The following STOML3 variants were observed in gnomAD, a reference collection of about 807,000 sequenced individuals.
STOML3 encodes stomatin-like protein 3.
A neutral mutation model predicts 29.5 loss-of-function variants in STOML3; 31 were observed. The observed-to-expected ratio is 1.05, with a 90% CI of 0.79 to 1.42. The LOEUF (loss-of-function observed/expected upper bound fraction) is 1.42, where lower values mean the gene tolerates loss of function less well. STOML3 is among the 40% of genes most tolerant of loss of function. STOML3 has a pLI of 0.00. For missense variants in STOML3, 380 were observed against 363.0 expected (o/e 1.05, Z -0.38); for synonymous variants, 122 against 139.8 (o/e 0.87, Z 0.90).
At chr13:38,978,171 T>G (rs1373232377) in intron 1 of STOML3, among the ~76,000 whole-genome samples, 1 of 151,842 alleles carries the variant, frequency 6.6e-6, no homozygotes, top group African/African-American at 2.4e-5. Flanking sequence ...TTTATTTTTT[T>G]GAGACAGAGT....
chr13:38,973,323 T>A (rs1208554478), intron 3 of STOML3, among the ~76,000 whole-genome samples: 2 of 151,964 alleles, frequency 1.3e-5, no homozygotes, highest in African/African-American at 4.8e-5. Context: ...GTACTGGTTG[T>A]GATAATGGCA....
At chr13:38,985,889 C>CTTTTTTTTT (rs200028643) in intron 1 of STOML3, among the ~76,000 whole-genome samples, 2 of 61,358 alleles carry the variant, frequency 3.3e-5, no homozygotes, top group Admixed American at 1.7e-4. Context: ...GTGGCTATTT[C>CTTTTTTTTT]TTTTTTTTTT....
chr13:38,966,893 T>A lies in STOML3; in HGVS notation c.808A>T (p.Met270Leu). 1 of 1,613,920 alleles carries A rather than the reference T, an allele frequency of 6.2e-7. No individual in the cohort carries two copies. Among genetic ancestry groups the A allele is most frequent in the South Asian group, 1.1e-5 (1 of 91,076 alleles). The change falls in exon 7 of 7, where the codon ATG becomes TTG. Residue 270 changes from methionine (M) to leucine (L), a missense_variant. By Grantham distance (15) the Met-to-Leu change is conservative (BLOSUM62 2). Transcript: ENST00000379631. Reference protein sequence around the residue: ...KNSTIVFPLPMNILEGIGGVS... With the variant: ...KNSTIVFPLPLNILEGIGGVS... The stretch of plus-strand genomic sequence containing the variant: ...CCACCAATGCCCTCTAGTATATTCA[T>A]GGGCAGAGGAAACACAATCGTAGAA...
chr13:38,967,116 TG>T lies in STOML3; in HGVS notation c.652-68del, dbSNP rs1436380248. ...CACTATAACTAGTTCTTTCTTTTTC[TG>T]GGTCTGTATTGATACCCCTCTCCCC... On this transcript the variant is annotated intron_variant, in intron 6 of 6. Transcript: ENST00000379631. The T allele has an allele frequency of 1.3e-5, 19 of 1,427,364 alleles. 1 individual carries two copies. The African/African-American group carries it at 2.7e-4, about 20-fold the overall frequency. 88.4% of individuals were successfully genotyped at this position (1,427,364 alleles called of 1,614,324 possible). A position where few individuals can be genotyped will look rare whatever the true frequency, so the allele number is the denominator to read the frequency against.
At chr13:38,969,446 G>A (rs1266170481) in intron 5 of STOML3, among the ~76,000 whole-genome samples, 1 of 152,140 alleles carries the variant, frequency 6.6e-6, no homozygotes, top group Non-Finnish European at 1.5e-5. Context: ...AATTCGTGGG[G>A]CACATATAAA....
In STOML3 at chr13:38,970,172, A is replaced by T. The variant is rs752337659; in HGVS notation, c.516+13T>A. The T allele has an allele frequency of 4.7e-5, 76 of 1,606,010 alleles. 1 individual carries two copies. In the Admixed American group the frequency reaches 1.3e-3, roughly 27 times the overall value. The stretch of plus-strand genomic sequence containing the variant: ...AGTTAAAGATACAGGCTATTAGTTC[A>T]TGGTGTCTTTACCTGGATGCTATGG... On this transcript the variant is annotated intron_variant, in intron 5 of 6. Coordinates refer to ENST00000379631, the MANE Select transcript of STOML3 (RefSeq NM_145286.3).
intron 3 of STOML3, among the ~76,000 whole-genome samples, chr13:38,973,420 G>A (rs1880962958): frequency 6.6e-6 from 1 of 152,170 alleles, no homozygotes; most frequent in Admixed American, 6.5e-5. Flanking sequence ...ATATAGTTCT[G>A]CAGCCTGGGA....
At chr13:38,971,751 CCT>C (rs1880875090) in intron 4 of STOML3, among the ~76,000 whole-genome samples, 1 of 152,018 alleles carries the variant, frequency 6.6e-6, no homozygotes, top group Non-Finnish European at 1.5e-5. Flanking sequence ...ATGGTGAAAC[CCT>C]GTCTCCACTA....
At chr13:38,973,884 C>T (rs943824260) in intron 3 of STOML3, among the ~76,000 whole-genome samples, 5 of 152,186 alleles carry the variant, frequency 3.3e-5, no homozygotes, top group African/African-American at 1.2e-4. Context: ...ATATCAGTGA[C>T]TGCCAACATT....
intron 1 of STOML3, among the ~76,000 whole-genome samples, chr13:38,984,025 C>G (rs915214729): frequency 2.4e-4 from 37 of 152,268 alleles, no homozygotes; most frequent in Non-Finnish European, 3.2e-4. Context: ...GGCATCCCCC[C>G]CCACAGCAGC....
intron 3 of STOML3, among the ~76,000 whole-genome samples, chr13:38,975,981 C>T (rs11843080): frequency 1.6e-4 from 25 of 151,988 alleles, no homozygotes; most frequent in African/African-American, 6.0e-4. Flanking sequence ...TCTTAGACAA[C>T]TCATCAAACT....
intron 3 of STOML3, among the ~76,000 whole-genome samples, chr13:38,975,465 G>A (rs1881040073): frequency 6.6e-6 from 1 of 152,084 alleles, no homozygotes; most frequent in Non-Finnish European, 1.5e-5. Context: ...AGAGCATCGT[G>A]GTGCTCAGGA....
intron 1 of STOML3, among the ~76,000 whole-genome samples, chr13:38,984,880 C>T (rs183798344): frequency 3.9e-5 from 6 of 152,136 alleles, no homozygotes; most frequent in Admixed American, 2.6e-4. Flanking sequence ...TTGTCTGCAC[C>T]TCCTGCTTCA....
chr13:38,975,664 A>G (rs1881047981), intron 3 of STOML3, among the ~76,000 whole-genome samples: 1 of 152,288 alleles, frequency 6.6e-6, no homozygotes, highest in Non-Finnish European at 1.5e-5. Context: ...TGAAATTGCC[A>G]TATTTGGGAG....
Position 38,978,007 on chromosome 13 carries a change from G to C in STOML3, c.53-1210C>G, listed in dbSNP as rs569767156. On this transcript the variant is annotated intron_variant, in intron 1 of 6. Transcript: ENST00000379631. ...AATCTCCTAACCTTGTGATCTGCCC[G>C]CCTCAGCCTCCCAAAGTTCTGGGAT... is the stretch of plus-strand genomic sequence containing the variant. Among the ~76,000 whole-genome samples the C allele has an allele frequency of 3.6e-4, 54 of 151,996 alleles. 1 individual carries two copies. The South Asian group carries it at 0.011, about 30-fold the overall frequency.
At chr13:38,971,484 C>T (rs1428659019) in intron 4 of STOML3, among the ~76,000 whole-genome samples, 2 of 152,162 alleles carry the variant, frequency 1.3e-5, no homozygotes, top group African/African-American at 4.8e-5. Flanking sequence ...CATTGCCCTC[C>T]CATATCGTAG....
intron 1 of STOML3, among the ~76,000 whole-genome samples, chr13:38,977,215 C>A (rs1224299873): frequency 1.3e-5 from 2 of 152,288 alleles, no homozygotes; most frequent in Non-Finnish European, 2.9e-5. Context: ...TAGGTAAGTA[C>A]TATTATCCCC....
intron 4 of STOML3, 78 bp downstream of exon 4, chr13:38,972,434 A>G (rs1880906180): frequency 1.4e-6 from 2 of 1,419,310 alleles, no homozygotes; most frequent in African/African-American, 1.4e-5. Flanking sequence ...TTAAAAGTGA[A>G]CTATAAAATT....
Position 38,990,239 on chromosome 13 carries a change from A to G in STOML3, c.52+431T>C, listed in dbSNP as rs571092439. 1.2e-3 allele frequency among the ~76,000 whole-genome samples: 181 copies of G among 152,284 alleles called. 1 individual carries two copies. The highest frequency in any genetic ancestry group is 4.1e-3 in the African/African-American group (171 of 41,560). On this transcript the variant is annotated intron_variant, in intron 1 of 6. Transcript: ENST00000379631. ...CATCAGAAAATGTTTGAAGTTGGAG[A>G]AAAGTCAGCCTCTTCAACATATCTT...
Sources: gnomAD v4.1 joint callset for allele counts (sites outside exome capture counted in the v4.1 genomes callset) on GRCh38, gnomAD v4.1.1 for gene constraint, MANE v1.5 for transcripts, NCBI Gene and HGNC (gene_info 2026-07-23, HGNC 2026-07-21) for gene names.